The following TVP23A variants were observed in gnomAD, a reference collection of about 807,000 sequenced individuals.
TVP23A encodes the protein Golgi apparatus membrane protein TVP23 homolog A.
Under a neutral mutation model 31.7 loss-of-function variants are expected in TVP23A, and 21 were observed. That is an observed-to-expected ratio of 0.66 (90% CI 0.47 to 0.95). TVP23A has a LOEUF of 0.95. TVP23A is among the 40% of genes least tolerant of loss of function. The pLI, the probability that TVP23A is intolerant of heterozygous loss-of-function variation, is 0.00. For synonymous variants in TVP23A, 104 were observed against 96.0 expected (o/e 1.08, Z -0.49); for missense variants, 279 against 255.6 (o/e 1.09, Z -0.62).
downstream of TVP23A, among the ~76,000 whole-genome samples, chr16:10,759,708 A>G (rs990646936): frequency 3.3e-5 from 5 of 152,148 alleles, no homozygotes; most frequent in Admixed American, 2.0e-4. This position sits in a 1 kb window ranked among gnomAD's most constrained non-coding sequence, Gnocchi z 4.7. Context: ...TCCAGGAGAC[A>G]GAGGTTGCAG....
intron 2 of TVP23A, among the ~76,000 whole-genome samples, chr16:10,780,501 C>G (rs549801504): frequency 6.6e-6 from 1 of 152,280 alleles, no homozygotes; most frequent in African/African-American, 2.4e-5. Context: ...TTTAACTTCA[C>G]CACTCATTCA....
chr16:10,797,600 G>A (rs1189818881), intron 2 of TVP23A, among the ~76,000 whole-genome samples: 1 of 151,848 alleles, frequency 6.6e-6, no homozygotes, highest in Non-Finnish European at 1.5e-5. Flanking sequence ...GCGTGGTAGT[G>A]CGCACCTATA....
At chr16:10,817,074 A>T (rs2143011801) in intron 2 of TVP23A, among the ~76,000 whole-genome samples, 1 of 152,238 alleles carries the variant, frequency 6.6e-6, no homozygotes, top group Admixed American at 6.5e-5. Context: ...AAGCTGGAAA[A>T]GGCAAAGAAT....
chr16:10,775,240 G>T, intron 2 of TVP23A, 144 bp from the exon 3 acceptor site: 1 of 1,453,952 alleles, frequency 6.9e-7, no homozygotes, highest in Non-Finnish European at 9.1e-7. Flanking sequence ...AGAAACTCAG[G>T]CTGTAGCCCT....
At chr16:10,776,797 G>A (rs2032055489) in intron 2 of TVP23A, among the ~76,000 whole-genome samples, 1 of 152,184 alleles carries the variant, frequency 6.6e-6, no homozygotes, top group Non-Finnish European at 1.5e-5. Flanking sequence ...AGAAGGGGTG[G>A]ATTATTCATG....
intron 2 of TVP23A, among the ~76,000 whole-genome samples, chr16:10,801,858 A>G (rs536539677): frequency 6.6e-6 from 1 of 152,246 alleles, no homozygotes; most frequent in East Asian, 1.9e-4. Context: ...CTTACATAAG[A>G]GAATGTCCTT....
At chr16:10,796,394 G>A (rs530937199) in intron 2 of TVP23A, among the ~76,000 whole-genome samples, 1 of 151,920 alleles carries the variant, frequency 6.6e-6, no homozygotes, top group Non-Finnish European at 1.5e-5. Context: ...AGAGGAGAGG[G>A]TGAGAAGCCT....
intron 2 of TVP23A, among the ~76,000 whole-genome samples, chr16:10,811,415 T>G (rs943218206): frequency 6.6e-6 from 1 of 151,996 alleles, no homozygotes; most frequent in Non-Finnish European, 1.5e-5. Context: ...ACTACAGGTG[T>G]GTGCCACCAC....
intron 2 of TVP23A, among the ~76,000 whole-genome samples, chr16:10,776,204 A>C (rs1005852529): frequency 2.0e-5 from 3 of 151,354 alleles, no homozygotes; most frequent in Admixed American, 1.3e-4. Context: ...GTGAAACCCC[A>C]TTTCTACTCA....
At chr16:10,764,610 G>A (rs2142796527), downstream of TVP23A, among the ~76,000 whole-genome samples, 1 of 151,114 alleles carries the variant, frequency 6.6e-6, no homozygotes, top group Admixed American at 6.6e-5. Flanking sequence ...TCAGTCTGCT[G>A]GAGTATGTCA....
downstream of TVP23A, among the ~76,000 whole-genome samples, chr16:10,765,843 G>A (rs74007542): frequency 0.04 from 6,123 of 152,296 alleles, 419 homozygotes; most frequent in African/African-American, 0.14. The surrounding 1 kb of genome is among the most constrained non-coding windows in gnomAD (Gnocchi z 4.0). Context: ...GCCTTCTAGT[G>A]GGCATGGTCC....
chr16:10,786,393 C>T (rs1335193071), intron 2 of TVP23A, among the ~76,000 whole-genome samples: 1 of 151,910 alleles, frequency 6.6e-6, no homozygotes, highest in Non-Finnish European at 1.5e-5. Flanking sequence ...GAGCTATGAT[C>T]ACACCACTGC....
downstream of TVP23A, chr16:10,762,135 G>A (rs1011230830): frequency 1.6e-5 from 5 of 317,712 alleles, no homozygotes; most frequent in Admixed American, 4.4e-5. Context: ...GGTGGCAGGG[G>A]ACTGAGGAGG....
downstream of TVP23A, among the ~76,000 whole-genome samples, chr16:10,762,788 G>T (rs1307433895): frequency 6.6e-6 from 1 of 150,610 alleles, no homozygotes; most frequent in Non-Finnish European, 1.5e-5. Context: ...AGTATGGCCT[G>T]GCCAGGAGAG....
At chr16:10,775,416 T>G in intron 2 of TVP23A, 2 of 1,131,900 alleles carry the variant, frequency 1.8e-6, no homozygotes, top group Non-Finnish European at 2.2e-6. Flanking sequence ...AGTCACTGCC[T>G]TCCCGCCTAG....
At chr16:10,761,184 A>G, downstream of TVP23A, 1 of 534,364 alleles carries the variant, frequency 1.9e-6, no homozygotes, top group Non-Finnish European at 3.4e-6. Context: ...TGTAGGGATG[A>G]TGGGGATTAC....
At chr16:10,806,313 A>G (rs1000850307) in intron 2 of TVP23A, among the ~76,000 whole-genome samples, 4 of 152,172 alleles carry the variant, frequency 2.6e-5, no homozygotes, top group African/African-American at 9.7e-5. Context: ...AATGTACTCC[A>G]GCCTGGGTGA....
rs1366503146 is a variant in TVP23A at position 10,812,534 on chromosome 16, T to TA, written c.89+5568dup. The stretch of plus-strand genomic sequence containing the variant: ...AGTGGATGAATGGGTCAACAAAACA[T>TA]AGTTTATTCATATCATGGAACTATT... On this transcript the variant is annotated intron_variant, in intron 2 of 7. Coordinates refer to ENST00000299866, the MANE Select transcript of TVP23A (RefSeq NM_001079512.4). Among the ~76,000 whole-genome samples the TA allele has an allele frequency of 2.0e-5, 3 of 152,164 alleles. No homozygotes were observed. In the East Asian group the frequency reaches 5.8e-4, roughly 29 times the overall value.
chr16:10,762,038 A>G, downstream of TVP23A: 1 of 550,134 alleles, frequency 1.8e-6, no homozygotes, highest in Non-Finnish European at 3.2e-6. Flanking sequence ...AGAGGCCGAG[A>G]CCCCTGCGGG....
Sources: gnomAD v4.1 joint callset for allele counts (sites outside exome capture counted in the v4.1 genomes callset) on GRCh38, gnomAD v4.1.1 for gene constraint, Gnocchi (gnomAD v3.1) non-coding constraint, MANE v1.5 for transcripts, NCBI Gene and HGNC (gene_info 2026-07-23, HGNC 2026-07-21) for gene names.